UBE3B: variants seen among roughly 807,000 people sequenced by gnomAD.
UBE3B encodes the protein ubiquitin protein ligase E3B, also known as ubiquitin-protein ligase E3B.
In UBE3B, 80 loss-of-function variants were observed where a neutral mutation model predicts 132.3. The ratio of observed to expected loss-of-function variants is 0.60; its 90% CI spans 0.50 to 0.73. The LOEUF (loss-of-function observed/expected upper bound fraction) is 0.73. Among genes scored for constraint, UBE3B ranks in the 30% least tolerant of loss-of-function variants. UBE3B has a pLI of 0.00. For missense variants in UBE3B, 1,196 were observed against 1,362.5 expected, an observed-to-expected ratio of 0.88 and a Z score of 1.92; for synonymous variants, 487 against 520.4, an observed-to-expected ratio of 0.94 and a Z score of 0.87.
At chr12:109,506,005 G>A (rs955114051) in intron 14 of UBE3B, among the ~76,000 whole-genome samples, 4 of 152,350 alleles carry the variant, frequency 2.6e-5, no homozygotes, top group African/African-American at 9.6e-5. Flanking sequence ...GTCAAGAGAT[G>A]TGTTATTAGA....
chr12:109,517,486 A>G (rs183839985), intron 19 of UBE3B, among the ~76,000 whole-genome samples: 25 of 152,318 alleles, frequency 1.6e-4, no homozygotes, highest in African/African-American at 1.9e-4. Context: ...AATTGTCACA[A>G]TACATTGGTT....
At chr12:109,519,962 C>T (rs1386509231) in intron 19 of UBE3B, 2 of 152,238 alleles carry the variant, frequency 1.3e-5, no homozygotes, top group Non-Finnish European at 2.9e-5. Context: ...TTCCCCAAAA[C>T]AGGTCTCGCC....
intron 9 of UBE3B, chr12:109,492,499 T>C (rs1026210601): frequency 2.0e-5 from 3 of 152,222 alleles, no homozygotes; most frequent in African/African-American, 7.2e-5. Context: ...CCCAGCACTT[T>C]GGGAGACTGA....
chr12:109,503,275 T>G, intron 14 of UBE3B, 85 bp downstream of exon 14: 4 of 1,529,852 alleles, frequency 2.6e-6, no homozygotes, highest in Non-Finnish European at 3.5e-6. Context: ...TTTTCTGGCT[T>G]CTTTGACTCT....
intron 9 of UBE3B, chr12:109,491,897 C>T (rs944436639): frequency 8.5e-5 from 13 of 152,224 alleles, no homozygotes; most frequent in East Asian, 1.9e-4. Context: ...TTGGCCCAAA[C>T]GTATCTGAGC....
intron 24 of UBE3B, 98 bp from the exon 25 acceptor site, chr12:109,529,792 A>G (rs754811157): frequency 6.3e-6 from 9 of 1,436,202 alleles, no homozygotes; most frequent in Non-Finnish European, 8.6e-6. Flanking sequence ...GTTTTTTGTA[A>G]AATGGTTCAG....
chr12:109,486,713 G>A (rs2135796169), intron 6 of UBE3B, 138 bp downstream of exon 6: 5 of 722,914 alleles, frequency 6.9e-6, no homozygotes, highest in Middle Eastern at 4.0e-4. Context: ...TGGAAGAGAG[G>A]AATTTTGATT....
Position 109,488,623 on chromosome 12 carries a change from G to A in UBE3B, c.499G>A (p.Val167Ile), listed in dbSNP as rs748598136. ...RLITLYLTML[V>I]TFTDTSTWKI... ...CATCACCCTGTACCTCACGATGCTT[G>A]TCACCTTCACAGACACTTCAACGTG... The change falls in exon 7 of 28, where the codon GTC becomes ATC. Residue 167 changes from valine (V) to isoleucine (I), a missense_variant. By Grantham distance (29) the Val-to-Ile change is conservative (BLOSUM62 3). Coordinates refer to ENST00000342494, the MANE Select transcript of UBE3B (RefSeq NM_130466.4). 11 of 1,614,040 alleles carry A rather than the reference G, an allele frequency of 6.8e-6. No individual in the cohort carries two copies. The highest frequency in any genetic ancestry group is 1.7e-5 in the Admixed American group (1 of 60,006).
chr12:109,490,315 T>G, intron 8 of UBE3B: 1 of 1,318,312 alleles, frequency 7.6e-7, no homozygotes, highest in South Asian at 1.5e-5. Flanking sequence ...TCTTGGTTGA[T>G]GTCTAGAATC....
rs1436757853 is a variant in UBE3B, at chr12:109,477,696, G to C, written c.-541G>C. 2 of 193,538 alleles carry C rather than the reference G, an allele frequency of 1.0e-5. No homozygotes were observed. Among genetic ancestry groups the C allele is most frequent in the Non-Finnish European group, 2.2e-5 (2 of 92,112 alleles). The allele number at this position is 193,538 out of a possible 1,614,324, so 12.0% of individuals were successfully genotyped here. The stretch of plus-strand genomic sequence containing the variant: ...GCTGCCCCGGGTCTGGCAGAACTCG[G>C]GTGTTTTGGGCTGAGACAGTGGCAG... On this transcript the variant is annotated 5_prime_UTR_variant, in exon 1 of 28. Coordinates refer to ENST00000342494, the MANE Select transcript of UBE3B (RefSeq NM_130466.4).
At chr12:109,511,353 G>C (rs143939312) in intron 18 of UBE3B, 50 bp downstream of exon 18, 1 of 1,558,766 alleles carries the variant, frequency 6.4e-7, no homozygotes, top group South Asian at 1.1e-5. Flanking sequence ...ATTCCCCCAC[G>C]TGGTTCCTGC....
intron 9 of UBE3B, 98 bp downstream of exon 9, chr12:109,491,225 C>A: frequency 1.8e-6 from 2 of 1,119,882 alleles, no homozygotes; most frequent in South Asian, 1.7e-5. Flanking sequence ...TATAGACTTG[C>A]CCATTTTGTC....
intron 14 of UBE3B, among the ~76,000 whole-genome samples, chr12:109,503,666 G>T (rs78171531): frequency 0.052 from 7,854 of 152,032 alleles, 285 homozygotes; most frequent in Middle Eastern, 0.078. Context: ...ATCTTTATTG[G>T]CTACATAGTA....
chr12:109,525,480 A>C (rs893893134), intron 23 of UBE3B, among the ~76,000 whole-genome samples: 2 of 152,232 alleles, frequency 1.3e-5, no homozygotes, highest in African/African-American at 4.8e-5. Context: ...TTTAAAACCC[A>C]CTGGTGCCAC....
chr12:109,500,483 A>G (rs1403644324), intron 12 of UBE3B, among the ~76,000 whole-genome samples: 1 of 152,168 alleles, frequency 6.6e-6, no homozygotes, highest in Non-Finnish European at 1.5e-5. Flanking sequence ...GGAAATCCCC[A>G]AATTTTTCTT....
At chr12:109,499,584 A>G (rs1395289822) in intron 11 of UBE3B, 49 bp from the exon 12 acceptor site, 4 of 1,485,024 alleles carry the variant, frequency 2.7e-6, no homozygotes, top group Non-Finnish European at 3.6e-6. Context: ...GCCGGGAGGC[A>G]CCAAAATGTT....
chr12:109,502,762 A>G lies in UBE3B; in HGVS notation c.1283-261A>G, dbSNP rs77728485. ...GAAATTTGGTGATTTCCAGTATAAG[A>G]ATCCCATGTAAGATTTGAATATGCC... On this transcript the variant is annotated intron_variant, in intron 13 of 27. Transcript: ENST00000342494. Among the ~76,000 whole-genome samples the G allele has an allele frequency of 6.7e-3, 1,027 of 152,342 alleles. 10 individuals are homozygous for G. The highest frequency in any genetic ancestry group is 0.024 in the African/African-American group (1,000 of 41,570).
intron 1 of UBE3B, among the ~76,000 whole-genome samples, chr12:109,480,283 A>G (rs1875150335): frequency 6.6e-6 from 1 of 151,782 alleles, no homozygotes; most frequent in South Asian, 2.1e-4. Context: ...AAGTACCTCC[A>G]TAGGTACCTG....
chr12:109,494,548 C>T (rs1877927632), intron 9 of UBE3B, among the ~76,000 whole-genome samples: 1 of 152,178 alleles, frequency 6.6e-6, no homozygotes, highest in African/African-American at 2.4e-5. Flanking sequence ...TATCCTTCTC[C>T]TCAACCCCCC....
Sources: allele counts gnomAD v4.1 joint callset (sites outside exome capture counted in the v4.1 genomes callset), GRCh38; gene constraint gnomAD v4.1.1; transcripts MANE v1.5; gene names NCBI Gene and HGNC (gene_info 2026-07-23, HGNC 2026-07-21).